The following KSR2 variants were observed in gnomAD, a reference collection of about 807,000 sequenced individuals.
KSR2 encodes the protein kinase suppressor of ras 2.
In KSR2, 25 loss-of-function variants were observed where a neutral mutation model predicts 107.8. The ratio of observed to expected loss-of-function variants is 0.23; its 90% CI spans 0.17 to 0.32. KSR2 has a LOEUF of 0.32. Among genes scored for constraint, KSR2 ranks in the 10% least tolerant of loss-of-function variants. The pLI, the probability that KSR2 is intolerant of heterozygous loss-of-function variation, is 1.00. For synonymous variants in KSR2, 480 were observed against 507.0 expected (o/e 0.95, Z 0.71); for missense variants, 887 against 1,268.9 (o/e 0.70, Z 4.57).
intron 3 of KSR2, among the ~76,000 whole-genome samples, chr12:117,843,091 C>G (rs147075854): frequency 1.6e-4 from 24 of 152,092 alleles, no homozygotes; most frequent in Admixed American, 1.3e-3. Context: ...AGTGTTTATA[C>G]GAACACAGTG....
chr12:117,594,966 A>G (rs536784027), intron 5 of KSR2, among the ~76,000 whole-genome samples: 1 of 99,918 alleles, frequency 1.0e-5, no homozygotes, highest in African/African-American at 2.9e-5. Context: ...CTAACTGGAA[A>G]TCCCTGCCCA....
chr12:117,544,319 T>C (rs1323467712), intron 9 of KSR2, among the ~76,000 whole-genome samples: 1 of 152,178 alleles, frequency 6.6e-6, no homozygotes, highest in Non-Finnish European at 1.5e-5. Context: ...TGCTAGTATA[T>C]AGAAATATAA....
At chr12:117,717,735 G>A (rs1291170418) in intron 4 of KSR2, among the ~76,000 whole-genome samples, 6 of 151,204 alleles carry the variant, frequency 4.0e-5, no homozygotes, top group African/African-American at 1.2e-4. Context: ...GTGCATGCAC[G>A]TGTGCCTGTC....
At chr12:117,833,886 T>G (rs1241475674) in intron 3 of KSR2, among the ~76,000 whole-genome samples, 1 of 151,796 alleles carries the variant, frequency 6.6e-6, no homozygotes, top group African/African-American at 2.4e-5. Context: ...CGGGGCACTT[T>G]GGGAGGCCGA....
In KSR2 at chr12:117,525,082, A is replaced by C; in HGVS notation, c.1989T>G (p.Phe663Leu). ...SIFLQEWDIP[F>L]EQLEIGELIG... ...TGAGCTCGCCGATCTCCAGCTGCTC[A>C]AAGGGGATGTCCCACTCCTGAAGGA... The change falls in exon 14 of 20, where the codon TTT becomes TTG. Residue 663 changes from phenylalanine (F) to leucine (L), a missense_variant. Physicochemically the swap from Phe to Leu is conservative, Grantham distance 22. Transcript: ENST00000339824. 6.2e-7 allele frequency: 1 copy of C among 1,613,978 alleles called. No individual in the cohort carries two copies. The highest frequency in any genetic ancestry group is 2.2e-5 in the East Asian group (1 of 44,870).
chr12:117,792,111 T>C (rs967287498), intron 3 of KSR2, among the ~76,000 whole-genome samples: 5 of 151,776 alleles, frequency 3.3e-5, no homozygotes, highest in African/African-American at 1.2e-4. Context: ...CTGAGGCAGG[T>C]AGATCGCTTG....
intron 5 of KSR2, among the ~76,000 whole-genome samples, chr12:117,592,069 T>C (rs990368377): frequency 1.1e-4 from 16 of 151,858 alleles, no homozygotes; most frequent in Admixed American, 8.5e-4. Flanking sequence ...GATATATTAA[T>C]GTATTTATTC....
intron 1 of KSR2, among the ~76,000 whole-genome samples, chr12:117,959,887 T>C (rs1191496521): frequency 6.7e-6 from 1 of 149,894 alleles, no homozygotes; most frequent in Non-Finnish European, 1.5e-5. Context: ...GCCATGACAG[T>C]GCCACTGCAC....
intron 16 of KSR2, 58 bp from the exon 17 acceptor site, chr12:117,476,653 C>T (rs1871801794): frequency 1.3e-6 from 2 of 1,536,400 alleles, no homozygotes; most frequent in South Asian, 1.2e-5. Context: ...GACCAGTCCC[C>T]CTGGCACTGA....
At chr12:117,862,696 G>C (rs1893341923) in intron 1 of KSR2, among the ~76,000 whole-genome samples, 1 of 148,446 alleles carries the variant, frequency 6.7e-6, no homozygotes, top group African/African-American at 2.5e-5. Flanking sequence ...ATGGGCTTCT[G>C]TTGCTTTTGC....
intron 5 of KSR2, among the ~76,000 whole-genome samples, chr12:117,587,239 C>T (rs1465868284): frequency 6.6e-6 from 1 of 152,134 alleles, no homozygotes; most frequent in East Asian, 1.9e-4. Flanking sequence ...AAGACGTGAT[C>T]AAGTTAAGGA....
intron 14 of KSR2, among the ~76,000 whole-genome samples, chr12:117,490,683 G>T: frequency 6.6e-6 from 1 of 152,110 alleles, no homozygotes. Flanking sequence ...GACATGAGCC[G>T]CTGCACCCAG....
chr12:117,933,117 C>T (rs546620925), intron 1 of KSR2, among the ~76,000 whole-genome samples: 6 of 152,138 alleles, frequency 3.9e-5, no homozygotes, highest in Non-Finnish European at 8.8e-5. Flanking sequence ...CATGAAGTGG[C>T]TGTCAGGGGT....
intron 6 of KSR2, among the ~76,000 whole-genome samples, chr12:117,581,086 C>T (rs11611523): frequency 0.4 from 60,371 of 152,120 alleles, 13,722 homozygotes; most frequent in East Asian, 0.57. Context: ...GTCTATCACA[C>T]ACTTCTCACT....
intron 7 of KSR2, among the ~76,000 whole-genome samples, chr12:117,563,506 G>C (rs2137369049): frequency 6.6e-6 from 1 of 152,280 alleles, no homozygotes; most frequent in Middle Eastern, 3.4e-3. Flanking sequence ...GTAGCCTCTT[G>C]CCTCTCTGGG....
chr12:117,527,980 T>C (rs984473561), intron 12 of KSR2, among the ~76,000 whole-genome samples: 48 of 151,644 alleles, frequency 3.2e-4, no homozygotes, highest in Non-Finnish European at 6.3e-4. Context: ...TGTGTGTGTG[T>C]GTGTGTGTGT....
At chr12:117,612,974 GACTTCCCCA>G (rs1234247257) in intron 5 of KSR2, among the ~76,000 whole-genome samples, 1 of 152,140 alleles carries the variant, frequency 6.6e-6, no homozygotes, top group African/African-American at 2.4e-5. Context: ...AGTTTCCTGA[GACTTCCCCA>G]GCCATGTGGA....
chr12:117,585,580 G>A (rs1033997382), intron 5 of KSR2, among the ~76,000 whole-genome samples: 1 of 152,046 alleles, frequency 6.6e-6, no homozygotes, highest in Non-Finnish European at 1.5e-5. Flanking sequence ...TGCTTTCTTC[G>A]TTTGGATTTT....
intron 1 of KSR2, among the ~76,000 whole-genome samples, chr12:117,866,039 T>TTTATTA (rs1491376651): frequency 7.6e-5 from 6 of 78,702 alleles, no homozygotes; most frequent in Middle Eastern, 5.3e-3. Context: ...AATCTCTCTC[T>TTTATTA]TTTTTTTTTT....
Sources: allele counts gnomAD v4.1 joint callset (sites outside exome capture counted in the v4.1 genomes callset), GRCh38; gene constraint gnomAD v4.1.1; transcripts MANE v1.5; gene names NCBI Gene and HGNC (gene_info 2026-07-23, HGNC 2026-07-21).